Variants in TRIM48 observed in about 807,000 individuals in gnomAD.
TRIM48 encodes the protein tripartite motif containing 48.
A neutral mutation model predicts 29.5 loss-of-function variants in TRIM48; 31 were observed. The ratio of observed to expected loss-of-function variants is 1.05; its 90% CI spans 0.79 to 1.42. The LOEUF is 1.42. Ranked by LOEUF, TRIM48 falls within the 40% of genes most tolerant of loss-of-function variation. TRIM48 has a pLI of 0.00. For missense variants in TRIM48, 344 were observed against 265.0 expected (o/e 1.30, Z -2.07); for synonymous variants, 128 against 90.6 (o/e 1.41, Z -2.34).
rs529287479 is a variant in TRIM48, at chr11:55,271,035, G to C, written c.*600G>C. On this transcript the variant is annotated 3_prime_UTR_variant, in exon 6 of 6. Coordinates refer to ENST00000417545, the MANE Select transcript of TRIM48 (RefSeq NM_024114.5). ...TTATCAAACAGGACAAATAGGTTCG[G>C]TTTTATGTCTTGAATTGCATTCTAA... 4.3e-6 allele frequency: 6 copies of C among 1,391,418 alleles called. No individual in the cohort carries two copies. Among genetic ancestry groups the C allele is most frequent in the African/African-American group, 1.6e-5 (1 of 61,998 alleles). 86.2% of individuals were successfully genotyped at this position (1,391,418 alleles called of 1,614,324 possible).
Position 55,270,484 on chromosome 11 carries a change from T to C in TRIM48, c.*49T>C, listed in dbSNP as rs540971356. On this transcript the variant is annotated 3_prime_UTR_variant, in exon 6 of 6. Coordinates refer to ENST00000417545, the MANE Select transcript of TRIM48 (RefSeq NM_024114.5). ...TGAAGCCAACAGTCATATCTTCCGA[T>C]GTGGAGATTTGAGAAGCATTTGTAT... 592 of 1,564,612 alleles carry C rather than the reference T, an allele frequency of 3.8e-4. 58 individuals carry two copies. Among genetic ancestry groups the C allele is most frequent in the Middle Eastern group, 1.8e-3 (8 of 4,468 alleles).
chr11:55,264,670 G>T (rs562839068), intron 1 of TRIM48, among the ~76,000 whole-genome samples: 7 of 148,346 alleles, frequency 4.7e-5, no homozygotes, highest in African/African-American at 1.5e-4. Context: ...TTATGTTACA[G>T]ACAGGCACTA....
In TRIM48 at chr11:55,264,738, C is replaced by A. The variant is rs538434742; in HGVS notation, c.45-162C>A. On this transcript the variant is annotated intron_variant, in intron 1 of 5. Coordinates refer to ENST00000417545, the MANE Select transcript of TRIM48 (RefSeq NM_024114.5). ...TAATATCTATTATAAAGCCGGGAGA[C>A]TCTCTGTGTGAGATTTTTATTTTTG... 4.1e-5 allele frequency among the ~76,000 whole-genome samples: 6 copies of A among 148,014 alleles called. 1 individual carries two copies. The highest frequency in any genetic ancestry group is 1.2e-4 in the African/African-American group (5 of 40,568).
chr11:55,270,489 A>T lies in TRIM48; in HGVS notation c.*54A>T. ...CCAACAGTCATATCTTCCGATGTGG[A>T]GATTTGAGAAGCATTTGTATTGGAT... On this transcript the variant is annotated 3_prime_UTR_variant, in exon 6 of 6. Coordinates refer to ENST00000417545, the MANE Select transcript of TRIM48 (RefSeq NM_024114.5). The T allele has an allele frequency of 6.4e-7, 1 of 1,568,892 alleles. No individual in the cohort carries two copies. The highest frequency in any genetic ancestry group is 8.7e-7 in the Non-Finnish European group (1 of 1,155,852).
Position 55,270,638 on chromosome 11 carries a change from C to A in TRIM48, c.*203C>A. 3 of 1,580,888 alleles carry A rather than the reference C, an allele frequency of 1.9e-6. 1 individual carries two copies. In the South Asian group the frequency reaches 3.6e-5, roughly 19 times the overall value. On this transcript the variant is annotated 3_prime_UTR_variant, in exon 6 of 6. Coordinates refer to ENST00000417545, the MANE Select transcript of TRIM48 (RefSeq NM_024114.5). ...CATGTGGGGGACTCTTGGAATTGGGCTTTTGGTGTCTGTAATAAGTATTGG... is the reference window on the plus strand; with the variant it reads ...CATGTGGGGGACTCTTGGAATTGGGATTTTGGTGTCTGTAATAAGTATTGG...
In TRIM48 at chr11:55,265,116, G is replaced by A; in HGVS notation, c.261G>A (p.Lys87=). The part of the protein sequence containing the change: ...QRNLKTNIRL[K]KMASLARKAS... ...ACCTCAAAACTAACATTCGATTGAAGAAGATGGCTTCCCTTGCCAGAAAAG... is the reference window on the plus strand; with the variant it reads ...ACCTCAAAACTAACATTCGATTGAAAAAGATGGCTTCCCTTGCCAGAAAAG... The change falls in exon 2 of 6, where the codon AAG becomes AAA. Residue 87 remains lysine, a synonymous_variant. Coordinates refer to ENST00000417545, the MANE Select transcript of TRIM48 (RefSeq NM_024114.5). 6.3e-7 allele frequency: 1 copy of A among 1,582,822 alleles called. No individual in the cohort carries two copies. Among genetic ancestry groups the A allele is most frequent in the Non-Finnish European group, 8.6e-7 (1 of 1,166,160 alleles).
chr11:55,264,893 T>C lies in TRIM48; in HGVS notation c.45-7T>C. 1 of 1,583,058 alleles carries C rather than the reference T, an allele frequency of 6.3e-7. No homozygotes were observed. Among genetic ancestry groups the C allele is most frequent in the Middle Eastern group, 2.1e-4 (1 of 4,714 alleles). Reference sequence around the variant, plus strand: ...CCCAAAATGACATGCTGCTCTTTCTTCCTCAGAAACATGAATTCTGGAATC... The same window carrying C: ...CCCAAAATGACATGCTGCTCTTTCTCCCTCAGAAACATGAATTCTGGAATC... On this transcript the variant is annotated splice_region_variant and splice_polypyrimidine_tract_variant and intron_variant, in intron 1 of 5. Coordinates refer to ENST00000417545, the MANE Select transcript of TRIM48 (RefSeq NM_024114.5).
In TRIM48 at chr11:55,264,606, A is replaced by T. The variant is rs986763095; in HGVS notation, c.45-294A>T. ...TTTATTCTAGGCTACTTAGAATCAA[A>T]CCCAATTTCCAGATCCACATTCAGA... is the stretch of plus-strand genomic sequence containing the variant. On this transcript the variant is annotated intron_variant, in intron 1 of 5. Transcript: ENST00000417545. Among the ~76,000 whole-genome samples the T allele has an allele frequency of 4.1e-5, 6 of 147,984 alleles. 1 individual carries two copies. In the Admixed American group the frequency reaches 4.1e-4, roughly 10 times the overall value.
In TRIM48 at chr11:55,265,186, A is replaced by G. The variant is rs139732012; in HGVS notation, c.331A>G (p.Ile111Val). The change falls in exon 2 of 6, where the codon ATT becomes GTT. Residue 111 changes from isoleucine (I) to valine (V), a missense_variant. Coordinates refer to ENST00000417545, the MANE Select transcript of TRIM48 (RefSeq NM_024114.5). ...GAGCTCTGAGGAGCAAATGTGTGGC[A>G]TTCACAGGGAGACAAAGAAGATGTT... ...FLSSEEQMCG[I>V]HRETKKMFCE... 2.1e-4 allele frequency: 340 copies of G among 1,582,868 alleles called. 34 individuals carry two copies. Among genetic ancestry groups the G allele is most frequent in the Admixed American group, 4.1e-4 (24 of 58,538 alleles).
At position 55,270,503 on chromosome 11, in the gene TRIM48, T is replaced by C. The variant is rs1232319742; in HGVS notation, c.*68T>C. The C allele has an allele frequency of 1.3e-6, 2 of 1,576,414 alleles. No homozygotes were observed. Among genetic ancestry groups the C allele is most frequent in the Non-Finnish European group, 8.6e-7 (1 of 1,161,350 alleles). ...TTCCGATGTGGAGATTTGAGAAGCATTTGTATTGGATGTGACCGTCAAAAT... is the reference window on the plus strand; with the variant it reads ...TTCCGATGTGGAGATTTGAGAAGCACTTGTATTGGATGTGACCGTCAAAAT... On this transcript the variant is annotated 3_prime_UTR_variant, in exon 6 of 6. Coordinates refer to ENST00000417545, the MANE Select transcript of TRIM48 (RefSeq NM_024114.5).
At chr11:55,265,794 AGT>A in intron 3 of TRIM48, 99 bp downstream of exon 3, 2 of 905,596 alleles carry the variant, frequency 2.2e-6, no homozygotes, top group Non-Finnish European at 3.1e-6. Flanking sequence ...TGTTTCTGGG[AGT>A]CAAAAAAAAA....
Position 55,265,155 on chromosome 11 carries a change from A to G in TRIM48, c.300A>G (p.Leu100=), listed in dbSNP as rs143400868. 938 of 1,582,842 alleles carry G rather than the reference A, an allele frequency of 5.9e-4. 95 individuals are homozygous for G. The highest frequency in any genetic ancestry group is 3.0e-3 in the Middle Eastern group (13 of 4,352). Residue 100 remains leucine (L), a synonymous_variant, in exon 2 of 6, where the codon CTA becomes CTG. Transcript: ENST00000417545. Reference sequence around the variant, plus strand: ...TTGCCAGAAAAGCCAGTCTCTGGCTATTCCTGAGCTCTGAGGAGCAAATGT... The same window carrying G: ...TTGCCAGAAAAGCCAGTCTCTGGCTGTTCCTGAGCTCTGAGGAGCAAATGT... ...ASLARKASLW[L]FLSSEEQMCG... is the part of the protein sequence containing the mutation.
chr11:55,266,253 G>A lies in TRIM48; in HGVS notation c.555+558G>A, dbSNP rs186425779. Among the ~76,000 whole-genome samples the A allele has an allele frequency of 3.4e-5, 5 of 147,658 alleles. 1 individual carries two copies. Among genetic ancestry groups the A allele is most frequent in the Admixed American group, 1.4e-4 (2 of 14,558 alleles). On this transcript the variant is annotated intron_variant, in intron 3 of 5. Coordinates refer to ENST00000417545, the MANE Select transcript of TRIM48 (RefSeq NM_024114.5). ...AGAAATATGGATTTGTGTCTTGAGG[G>A]AGACATGCAAACATGCCCAAAATAT...
intron 1 of TRIM48, 147 bp downstream of exon 1, chr11:55,262,458 G>A: frequency 2.9e-6 from 2 of 679,930 alleles, no homozygotes; most frequent in Non-Finnish European, 5.0e-6. Flanking sequence ...TGAATTATGA[G>A]GATATTAATT....
At chr11:55,262,758 G>T (rs919349436) in intron 1 of TRIM48, among the ~76,000 whole-genome samples, 1 of 151,874 alleles carries the variant, frequency 6.6e-6, no homozygotes, top group African/African-American at 2.4e-5. Context: ...AAAAAAATGA[G>T]AAAGCTCCCC....
chr11:55,266,797 G>A (rs1857400776), intron 3 of TRIM48, among the ~76,000 whole-genome samples: 1 of 147,524 alleles, frequency 6.8e-6, no homozygotes, highest in Non-Finnish European at 1.5e-5. Flanking sequence ...TCCAGTTGGA[G>A]AGAACAGCAT....
chr11:55,270,447 T>G lies in TRIM48; in HGVS notation c.*12T>G. 1 of 1,493,156 alleles carries G rather than the reference T, an allele frequency of 6.7e-7. No individual in the cohort carries two copies. Among genetic ancestry groups the G allele is most frequent in the Non-Finnish European group, 9.1e-7 (1 of 1,096,184 alleles). 92.5% of individuals were successfully genotyped at this position (1,493,156 alleles called of 1,614,324 possible). On this transcript the variant is annotated 3_prime_UTR_variant, in exon 6 of 6. Transcript: ENST00000417545. ...TTATTTATTTTGCAGTGGATATTAC[T>G]CTGCATCACAATGAAGCCAACAGTC...
chr11:55,264,425 C>T (rs1857354722), intron 1 of TRIM48, among the ~76,000 whole-genome samples: 1 of 147,934 alleles, frequency 6.8e-6, no homozygotes, highest in Non-Finnish European at 1.5e-5. Context: ...TAAACATGTG[C>T]CATGGTGGTT....
chr11:55,264,962 A>G lies in TRIM48; in HGVS notation c.107A>G (p.Asn36Ser). The G allele has an allele frequency of 6.3e-7, 1 of 1,584,292 alleles. No individual in the cohort carries two copies. The highest frequency in any genetic ancestry group is 8.6e-7 in the Non-Finnish European group (1 of 1,166,290). The change falls in exon 2 of 6, where the codon AAC (asparagine) becomes AGC (serine). Residue 36 changes from asparagine (N) to serine (S), a missense_variant. By Grantham distance (46) the Asn-to-Ser change is conservative (BLOSUM62 1). Coordinates refer to ENST00000417545, the MANE Select transcript of TRIM48 (RefSeq NM_024114.5). ...QRELTCPICM[N>S]YFIDPVTIDC... is the part of the protein sequence containing the mutation. ...GAACTCACCTGCCCCATCTGCATGA[A>G]CTACTTCATAGACCCGGTCACCATA...
Sources: gnomAD v4.1 joint callset for allele counts (sites outside exome capture counted in the v4.1 genomes callset) on GRCh38, gnomAD v4.1.1 for gene constraint, MANE v1.5 for transcripts, NCBI Gene and HGNC (gene_info 2026-07-23, HGNC 2026-07-21) for gene names.